The following DCLK2 variants were observed in gnomAD, a reference collection of about 807,000 sequenced individuals.
DCLK2 encodes the protein doublecortin like kinase 2, also known as serine/threonine-protein kinase DCLK2.
DCLK2 carries 31 observed loss-of-function variants against 78.4 expected under a neutral mutation model. The ratio of observed to expected loss-of-function variants is 0.40; its 90% CI spans 0.30 to 0.53. DCLK2 has a LOEUF of 0.53. DCLK2 is among the 20% of genes least tolerant of loss of function. The probability of loss-of-function intolerance (pLI) is 0.61; values close to 1 mark genes in which losing one functional copy is unlikely to be tolerated. For synonymous variants in DCLK2, 407 were observed against 374.9 expected (o/e 1.09, Z -0.99); for missense variants, 872 against 973.7 (o/e 0.90, Z 1.39).
At chr4:150,170,776 G>C (rs116230252) in intron 2 of DCLK2, among the ~76,000 whole-genome samples, 281 of 151,738 alleles carry the variant, frequency 1.9e-3, no homozygotes, top group African/African-American at 6.6e-3. Flanking sequence ...GTATTTATTT[G>C]ATCCTTCATT....
chr4:150,208,388 GTTTTTT>G (rs1195375064), intron 5 of DCLK2, among the ~76,000 whole-genome samples: 1 of 138,072 alleles, frequency 7.2e-6, no homozygotes. Flanking sequence ...GAGAAACGGA[GTTTTTT>G]TTTTTGTTTT....
chr4:150,250,320 A>G (rs1370741121), intron 15 of DCLK2, among the ~76,000 whole-genome samples: 1 of 152,200 alleles, frequency 6.6e-6, no homozygotes, highest in Non-Finnish European at 1.5e-5. Context: ...TAAACACAAC[A>G]AATTAAAATG....
intron 8 of DCLK2, among the ~76,000 whole-genome samples, chr4:150,228,990 C>T (rs1178555416): frequency 6.6e-6 from 1 of 150,436 alleles, no homozygotes; most frequent in Non-Finnish European, 1.5e-5. Context: ...TGCGCCACTG[C>T]AGTCCGCAGT....
chr4:150,079,380 A>G lies in DCLK2; in HGVS notation c.353A>G (p.Gln118Arg), dbSNP rs757288941. 1.3e-6 allele frequency: 2 copies of G among 1,589,416 alleles called. No individual in the cohort carries two copies. Among genetic ancestry groups the G allele is most frequent in the African/African-American group, 2.7e-5 (2 of 74,338 alleles). Residue 118 changes from glutamine (Q) to arginine (R), a missense_variant, in exon 1 of 16, where the codon CAG becomes CGG. Transcript: ENST00000296550. ...CTGTCGGACAACGTGAACCTGCCCC[A>G]GGGTGTCCGCACTATCTACACCATC... ...RSLSDNVNLP[Q>R]GVRTIYTIDG...
At chr4:150,105,282 T>G (rs1470745162) in intron 2 of DCLK2, among the ~76,000 whole-genome samples, 3 of 152,084 alleles carry the variant, frequency 2.0e-5, no homozygotes. Flanking sequence ...CAAGCAAGGG[T>G]TTATATGCTT....
At position 150,151,014 on chromosome 4, in the gene DCLK2, T is replaced by C. The variant is rs1451389912; in HGVS notation, c.757-42124T>C. The stretch of plus-strand genomic sequence containing the variant: ...AGGGAAGGCTTCTCTGGGTTGGCAG[T>C]GCCTCAGCACCTACTGCCCTGCTTG... On this transcript the variant is annotated intron_variant, in intron 2 of 15. Coordinates refer to ENST00000296550, the MANE Select transcript of DCLK2 (RefSeq NM_001040260.4). Among the ~76,000 whole-genome samples the C allele has an allele frequency of 5.3e-5, 8 of 152,370 alleles. No homozygotes were observed. The East Asian group carries it at 1.5e-3, about 29-fold the overall frequency.
intron 5 of DCLK2, among the ~76,000 whole-genome samples, chr4:150,213,918 G>A (rs1580729184): frequency 1.3e-5 from 2 of 152,100 alleles, no homozygotes; most frequent in African/African-American, 4.8e-5. Context: ...GTCAGCCCTG[G>A]GTTTGGATTC....
chr4:150,224,444 A>G, intron 7 of DCLK2, 57 bp from the exon 8 acceptor site: 1 of 1,460,892 alleles, frequency 6.8e-7, no homozygotes, highest in Non-Finnish European at 9.3e-7. Context: ...GAAAGAAAAC[A>G]GGAATGATGG....
chr4:150,184,188 C>T (rs372276385), intron 2 of DCLK2, among the ~76,000 whole-genome samples: 3 of 152,168 alleles, frequency 2.0e-5, no homozygotes, highest in African/African-American at 7.2e-5. Context: ...AGGCAGTTAA[C>T]CTCAATGATA....
At position 150,204,451 on chromosome 4, in the gene DCLK2, G is replaced by T. The variant is rs141283613; in HGVS notation, c.1056+562G>T. The stretch of plus-strand genomic sequence containing the variant: ...AACAGTAACCGTATGATTAGCAGTT[G>T]ATTTAATAGACAGTTATCTAATAGA... On this transcript the variant is annotated intron_variant, in intron 5 of 15. Coordinates refer to ENST00000296550, the MANE Select transcript of DCLK2 (RefSeq NM_001040260.4). 2.9e-3 allele frequency among the ~76,000 whole-genome samples: 445 copies of T among 152,226 alleles called. 3 individuals are homozygous for T. The highest frequency in any genetic ancestry group is 9.5e-3 in the African/African-American group (394 of 41,544).
At chr4:150,081,490 ATAAT>A (rs1272129454) in intron 1 of DCLK2, among the ~76,000 whole-genome samples, 2 of 152,040 alleles carry the variant, frequency 1.3e-5, no homozygotes, top group East Asian at 3.8e-4. Flanking sequence ...AATATGATAA[ATAAT>A]ATAACAAATA....
intron 2 of DCLK2, among the ~76,000 whole-genome samples, chr4:150,188,761 G>T (rs1479416851): frequency 1.3e-5 from 2 of 151,826 alleles, no homozygotes; most frequent in African/African-American, 4.8e-5. Context: ...AATAAGCTGG[G>T]CATGGTGGCA....
At chr4:150,202,154 G>A (rs367723821) in intron 4 of DCLK2, among the ~76,000 whole-genome samples, 2 of 152,284 alleles carry the variant, frequency 1.3e-5, no homozygotes, top group East Asian at 1.9e-4. Context: ...CACCATTACA[G>A]TATTGTACAG....
intron 3 of DCLK2, among the ~76,000 whole-genome samples, chr4:150,196,411 G>C (rs1739035155): frequency 6.6e-6 from 1 of 152,098 alleles, no homozygotes; most frequent in African/African-American, 2.4e-5. Flanking sequence ...AGCAAAAATT[G>C]CTCCCTTTGT....
chr4:150,186,533 A>G (rs1332131460), intron 2 of DCLK2, among the ~76,000 whole-genome samples: 2 of 152,186 alleles, frequency 1.3e-5, no homozygotes, highest in South Asian at 2.1e-4. Context: ...CATTTTCATC[A>G]CTAGACTGTG....
At chr4:150,149,119 G>A (rs1734704235) in intron 2 of DCLK2, among the ~76,000 whole-genome samples, 2 of 151,106 alleles carry the variant, frequency 1.3e-5, no homozygotes, top group South Asian at 2.1e-4. Flanking sequence ...GAAAGAAATG[G>A]AGACCATAAG....
chr4:150,194,680 G>A (rs1212045408), intron 3 of DCLK2, among the ~76,000 whole-genome samples: 3 of 152,096 alleles, frequency 2.0e-5, no homozygotes, highest in Non-Finnish European at 2.9e-5. Flanking sequence ...ACATTTCAGA[G>A]GAGAGGGATC....
chr4:150,186,446 C>T (rs1737940548), intron 2 of DCLK2, among the ~76,000 whole-genome samples: 1 of 151,936 alleles, frequency 6.6e-6, no homozygotes, highest in African/African-American at 2.4e-5. Flanking sequence ...TCCTTTATTC[C>T]CATAATAGTC....
intron 3 of DCLK2, among the ~76,000 whole-genome samples, chr4:150,193,963 G>C (rs1210575913): frequency 6.7e-6 from 1 of 150,360 alleles, no homozygotes; most frequent in African/African-American, 2.5e-5. Context: ...TGTTGCCCAG[G>C]CTAGTCTTGA....
Sources: allele counts gnomAD v4.1 joint callset (sites outside exome capture counted in the v4.1 genomes callset), GRCh38; gene constraint gnomAD v4.1.1; transcripts MANE v1.5; gene names NCBI Gene and HGNC (gene_info 2026-07-23, HGNC 2026-07-21).